The following NCAM2 variants were observed in gnomAD, a reference collection of about 807,000 sequenced individuals.
The protein encoded by NCAM2 is N-CAM-2.
A neutral mutation model predicts 98.1 loss-of-function variants in NCAM2; 30 were observed. The observed-to-expected ratio is 0.31, with a 90% CI of 0.23 to 0.41. The LOEUF is 0.41. Ranked by LOEUF, NCAM2 falls within the 10% of genes least tolerant of loss-of-function variation. The probability of loss-of-function intolerance (pLI) is 1.00; values close to 1 mark genes in which losing one functional copy is unlikely to be tolerated. For synonymous variants in NCAM2, 368 were observed against 342.4 expected (o/e 1.07, Z -0.83); for missense variants, 867 against 1,005.8 (o/e 0.86, Z 1.87).
At chr21:21,410,550 T>G in intron 10 of NCAM2, 89 bp downstream of exon 10, 1 of 621,874 alleles carries the variant, frequency 1.6e-6, no homozygotes, top group Non-Finnish European at 2.5e-6. Flanking sequence ...CATATGCATA[T>G]ATATATATAA....
intron 1 of NCAM2, among the ~76,000 whole-genome samples, chr21:21,026,425 G>A (rs1207309878): frequency 1.3e-5 from 2 of 152,092 alleles, no homozygotes; most frequent in African/African-American, 2.4e-5. Context: ...TTGGGAGGCC[G>A]AGGCGGGTGG....
chr21:21,129,720 G>A (rs1416820390), intron 1 of NCAM2, among the ~76,000 whole-genome samples: 4 of 152,098 alleles, frequency 2.6e-5, no homozygotes, highest in Non-Finnish European at 5.9e-5. Flanking sequence ...TATCATGTGG[G>A]GGATTAGGTT....
chr21:21,326,956 T>G (rs565092848), intron 6 of NCAM2, among the ~76,000 whole-genome samples: 1 of 152,268 alleles, frequency 6.6e-6, no homozygotes, highest in Non-Finnish European at 1.5e-5. Flanking sequence ...GAGAGAAATG[T>G]CCAGACTGTT....
At chr21:21,210,476 A>G (rs1326971627) in intron 1 of NCAM2, 41 of 1,214,758 alleles carry the variant, frequency 3.4e-5, no homozygotes, top group Non-Finnish European at 4.3e-5. Context: ...AGAATTCTTC[A>G]TGAAGTACAA....
At chr21:21,366,029 T>C (rs2075776881) in intron 8 of NCAM2, among the ~76,000 whole-genome samples, 1 of 152,186 alleles carries the variant, frequency 6.6e-6, no homozygotes, top group East Asian at 1.9e-4. Flanking sequence ...TTTTCCATGC[T>C]GTGAGTATGG....
intron 16 of NCAM2, among the ~76,000 whole-genome samples, chr21:21,514,992 TA>T (rs1211776551): frequency 1.3e-5 from 2 of 152,174 alleles, no homozygotes; most frequent in African/African-American, 4.8e-5. Flanking sequence ...CATATCCATT[TA>T]AAAAATTTAA....
At chr21:21,490,038 A>C (rs1176754909) in intron 15 of NCAM2, among the ~76,000 whole-genome samples, 1 of 152,018 alleles carries the variant, frequency 6.6e-6, no homozygotes, top group Non-Finnish European at 1.5e-5. Context: ...TTTAATATCC[A>C]TGCTTTGTTT....
intron 15 of NCAM2, among the ~76,000 whole-genome samples, chr21:21,491,091 T>G (rs949132700): frequency 4.6e-5 from 7 of 151,816 alleles, no homozygotes; most frequent in Non-Finnish European, 7.4e-5. Context: ...TAGGAGCAGG[T>G]AATAAACTTA....
intron 6 of NCAM2, among the ~76,000 whole-genome samples, chr21:21,332,899 A>T (rs575557811): frequency 6.6e-6 from 1 of 152,208 alleles, no homozygotes; most frequent in Non-Finnish European, 1.5e-5. Flanking sequence ...TTGTTGTTTA[A>T]ATTGGGAGCA....
intron 1 of NCAM2, among the ~76,000 whole-genome samples, chr21:21,161,579 G>A (rs201234281): frequency 7.0e-6 from 1 of 142,258 alleles, no homozygotes; most frequent in Non-Finnish European, 1.5e-5. Flanking sequence ...GTGTGTGTGT[G>A]TATGTGAGAG....
chr21:21,502,935 A>G (rs1987730123), intron 15 of NCAM2, among the ~76,000 whole-genome samples: 1 of 152,008 alleles, frequency 6.6e-6, no homozygotes, highest in Non-Finnish European at 1.5e-5. Context: ...AAAAAAGTTA[A>G]ATAAAACATT....
At chr21:21,368,574 G>A (rs2075840626) in intron 8 of NCAM2, among the ~76,000 whole-genome samples, 1 of 151,824 alleles carries the variant, frequency 6.6e-6, no homozygotes, top group African/African-American at 2.4e-5. Context: ...ATGGATTTGA[G>A]GTGTGCTGAG....
intron 10 of NCAM2, among the ~76,000 whole-genome samples, chr21:21,412,140 A>G (rs1391205256): frequency 1.3e-5 from 2 of 152,202 alleles, no homozygotes; most frequent in African/African-American, 4.8e-5. Context: ...TAGAGGTTCA[A>G]TATCATGGTG....
At chr21:21,090,057 G>A (rs1489161576) in intron 1 of NCAM2, among the ~76,000 whole-genome samples, 1 of 152,140 alleles carries the variant, frequency 6.6e-6, no homozygotes, top group Admixed American at 6.5e-5. Flanking sequence ...TCTACTCAAA[G>A]CATGGACCTA....
At chr21:21,147,340 G>T (rs527610987) in intron 1 of NCAM2, 3 of 945,754 alleles carry the variant, frequency 3.2e-6, no homozygotes, top group Non-Finnish European at 3.8e-6. Flanking sequence ...GAAAGAAGGG[G>T]CTAGAATCAG....
intron 1 of NCAM2, among the ~76,000 whole-genome samples, chr21:21,145,699 G>A (rs970819518): frequency 3.3e-5 from 5 of 151,942 alleles, no homozygotes; most frequent in Non-Finnish European, 5.9e-5. Flanking sequence ...CACAAGAGAA[G>A]GTATAAATTA....
intron 2 of NCAM2, among the ~76,000 whole-genome samples, chr21:21,282,631 T>C (rs1242560432): frequency 6.6e-6 from 1 of 151,550 alleles, no homozygotes; most frequent in Non-Finnish European, 1.5e-5. Context: ...AAATACAAAA[T>C]CTAAAACTCA....
At chr21:21,207,256 T>A (rs1362610943) in intron 1 of NCAM2, among the ~76,000 whole-genome samples, 1 of 152,144 alleles carries the variant, frequency 6.6e-6, no homozygotes, top group Non-Finnish European at 1.5e-5. Flanking sequence ...GTTCTCGAGC[T>A]TTAATTTAAA....
At chr21:21,158,611 G>GC (rs1454172831) in intron 1 of NCAM2, among the ~76,000 whole-genome samples, 3 of 7,164 alleles carry the variant, frequency 4.2e-4, no homozygotes, top group Admixed American at 4.2e-3. Flanking sequence ...CCCCGCCCCC[G>GC]CAAAAAAAAA....
Sources: gnomAD v4.1 joint callset for allele counts (sites outside exome capture counted in the v4.1 genomes callset) on GRCh38, gnomAD v4.1.1 for gene constraint, MANE v1.5 for transcripts, NCBI Gene and HGNC (gene_info 2026-07-23, HGNC 2026-07-21) for gene names.